The following WASF3 variants were observed in gnomAD, a reference collection of about 807,000 sequenced individuals.
WASF3 encodes the protein actin-binding protein WASF3.
WASF3 carries 11 observed loss-of-function variants against 46.6 expected under a neutral mutation model. The observed-to-expected ratio is 0.24, with a 90% CI of 0.15 to 0.39. The LOEUF (loss-of-function observed/expected upper bound fraction) is 0.39, where lower values mean the gene tolerates loss of function less well. Among genes scored for constraint, WASF3 ranks in the 10% least tolerant of loss-of-function variants. The probability of loss-of-function intolerance (pLI) is 1.00; values close to 1 mark genes in which losing one functional copy is unlikely to be tolerated. For missense variants in WASF3, 576 were observed against 669.8 expected, an observed-to-expected ratio of 0.86 and a Z score of 1.55; for synonymous variants, 242 against 259.7, an observed-to-expected ratio of 0.93 and a Z score of 0.65.
In WASF3 at chr13:26,579,015, T is replaced by TTTTTC. The variant is rs1164371601; in HGVS notation, c.-109+21197_-109+21198insTTTCT. 5.3e-5 allele frequency among the ~76,000 whole-genome samples: 7 copies of TTTTTC among 130,904 alleles called. 1 individual carries two copies. The highest frequency in any genetic ancestry group is 1.2e-4 in the Non-Finnish European group (7 of 59,906). The allele number at this position is 130,904 out of a possible 152,430, so 85.9% of individuals were successfully genotyped here. A position where few individuals can be genotyped will look rare whatever the true frequency, so the allele number is the denominator to read the frequency against. On this transcript the variant is annotated intron_variant, in intron 1 of 9. Coordinates refer to ENST00000335327, the MANE Select transcript of WASF3 (RefSeq NM_006646.6). ...TTCCTTTTTTTTTTTTTTTTTTTTTTTGTGGGTCAGGGTCTTGCTCTGTTG... is the reference window on the plus strand; with the variant it reads ...TTCCTTTTTTTTTTTTTTTTTTTTTTTTTTCTGTGGGTCAGGGTCTTGCTCTGTTG...
intron 2 of WASF3, among the ~76,000 whole-genome samples, chr13:26,629,134 G>A (rs1160376773): frequency 6.6e-6 from 1 of 152,242 alleles, no homozygotes; most frequent in Non-Finnish European, 1.5e-5. Flanking sequence ...GCGATGATGT[G>A]TGGGGTCCAT....
At chr13:26,658,727 C>T (rs1343819122) in intron 3 of WASF3, among the ~76,000 whole-genome samples, 1 of 152,184 alleles carries the variant, frequency 6.6e-6, no homozygotes, top group Admixed American at 6.5e-5. Flanking sequence ...GGCAGAACTC[C>T]AACTCTCCTA....
chr13:26,685,679 T>C lies in WASF3; in HGVS notation c.1352-9T>C, dbSNP rs1468318539. 7 of 1,613,478 alleles carry C rather than the reference T, an allele frequency of 4.3e-6. No individual in the cohort carries two copies. The African/African-American group carries it at 9.3e-5, about 22-fold the overall frequency. ...GGATGTGATTCTGAACCACGTGTTG[T>C]GTCTGCAGGAATTCAACTGAAAAAG... On this transcript the variant is annotated splice_polypyrimidine_tract_variant and intron_variant, in intron 9 of 9. Coordinates refer to ENST00000335327, the MANE Select transcript of WASF3 (RefSeq NM_006646.6).
At chr13:26,648,629 G>T (rs147537219) in intron 3 of WASF3, among the ~76,000 whole-genome samples, 41 of 152,300 alleles carry the variant, frequency 2.7e-4, no homozygotes, top group African/African-American at 8.4e-4. Flanking sequence ...GGCTAGGGTT[G>T]TGGGTAAGTT....
chr13:26,597,326 G>C (rs964907145), intron 1 of WASF3, among the ~76,000 whole-genome samples: 2 of 152,164 alleles, frequency 1.3e-5, no homozygotes, highest in African/African-American at 4.8e-5. Context: ...GTAGAGATGG[G>C]GCTTCGCCAT....
At chr13:26,592,053 A>G (rs1293203561) in intron 1 of WASF3, among the ~76,000 whole-genome samples, 1 of 128,720 alleles carries the variant, frequency 7.8e-6, no homozygotes, top group Non-Finnish European at 1.6e-5. Flanking sequence ...TTTGCTTTCT[A>G]CCGCAGTGAT....
intron 1 of WASF3, among the ~76,000 whole-genome samples, chr13:26,562,175 T>C (rs1879313798): frequency 6.6e-6 from 1 of 152,110 alleles, no homozygotes; most frequent in African/African-American, 2.4e-5. Context: ...ATGAGGTCAT[T>C]TGAGGAGTGT....
intron 1 of WASF3, among the ~76,000 whole-genome samples, chr13:26,597,033 T>C (rs1158871982): frequency 6.6e-6 from 1 of 152,256 alleles, no homozygotes; most frequent in African/African-American, 2.4e-5. Context: ...ATCATAGTTA[T>C]GTCTACTGGT....
chr13:26,544,460 G>C, the WASF3 span, among the ~76,000 whole-genome samples: 1 of 152,216 alleles, frequency 6.6e-6, no homozygotes, highest in African/African-American at 2.4e-5. Context: ...CATGGGGTCA[G>C]TGCTGCTGCT....
intron 6 of WASF3, 125 bp from the exon 7 acceptor site, chr13:26,676,424 A>G: frequency 9.8e-7 from 1 of 1,016,862 alleles, no homozygotes; most frequent in Non-Finnish European, 1.4e-6. Flanking sequence ...CATTAGGGTA[A>G]TCGAAATGCG....
At chr13:26,637,402 A>G (rs1881861351) in intron 2 of WASF3, among the ~76,000 whole-genome samples, 1 of 152,088 alleles carries the variant, frequency 6.6e-6, no homozygotes, top group Non-Finnish European at 1.5e-5. Flanking sequence ...TGCATACTTC[A>G]CTTGCCTTGG....
chr13:26,657,091 C>T (rs763441554), intron 3 of WASF3, among the ~76,000 whole-genome samples: 2 of 152,140 alleles, frequency 1.3e-5, no homozygotes, highest in Non-Finnish European at 2.9e-5. Flanking sequence ...GAAGGGGGAA[C>T]TTGTGAGACA....
At chr13:26,620,760 C>G in intron 2 of WASF3, 1 of 152,208 alleles carries the variant, frequency 6.6e-6, no homozygotes, top group Non-Finnish European at 1.5e-5. Flanking sequence ...ACCTAGACTT[C>G]AAATCCCTAC....
chr13:26,561,085 A>G (rs920120542), intron 1 of WASF3, among the ~76,000 whole-genome samples: 1 of 152,152 alleles, frequency 6.6e-6, no homozygotes, highest in Non-Finnish European at 1.5e-5. Context: ...GTTGTGGGCA[A>G]GGGCAGGGAA....
intron 1 of WASF3, among the ~76,000 whole-genome samples, chr13:26,561,067 T>C (rs1593365485): frequency 6.6e-6 from 1 of 151,548 alleles, no homozygotes; most frequent in African/African-American, 2.4e-5. Flanking sequence ...TTCAGTCCAG[T>C]GGGGGTGGTT....
intron 4 of WASF3, among the ~76,000 whole-genome samples, chr13:26,665,639 T>C (rs1426451234): frequency 6.6e-6 from 1 of 152,188 alleles, no homozygotes; most frequent in Admixed American, 6.5e-5. Context: ...TTCTCAGAAA[T>C]AGCATTTACC....
chr13:26,587,671 A>G (rs1465331162), intron 1 of WASF3, among the ~76,000 whole-genome samples: 1 of 152,206 alleles, frequency 6.6e-6, no homozygotes, highest in African/African-American at 2.4e-5. Flanking sequence ...TGCTGGACAG[A>G]ATGATGGGTT....
chr13:26,576,298 C>T (rs1186683539), intron 1 of WASF3, among the ~76,000 whole-genome samples: 1 of 151,656 alleles, frequency 6.6e-6, no homozygotes, highest in Non-Finnish European at 1.5e-5. Flanking sequence ...TGTTTCTTTC[C>T]TGGGTTCAAG....
intron 2 of WASF3, among the ~76,000 whole-genome samples, chr13:26,617,834 G>A (rs1456684301): frequency 6.6e-6 from 1 of 152,102 alleles, no homozygotes; most frequent in Non-Finnish European, 1.5e-5. Context: ...CATGGGGGCA[G>A]TCTCCCCCAT....
Sources: allele counts gnomAD v4.1 joint callset (sites outside exome capture counted in the v4.1 genomes callset), GRCh38; gene constraint gnomAD v4.1.1; transcripts MANE v1.5; gene names NCBI Gene and HGNC (gene_info 2026-07-23, HGNC 2026-07-21).